The following P2RX2 variants were observed in gnomAD, a reference collection of about 807,000 sequenced individuals.
The protein encoded by P2RX2 is purinergic receptor P2X 2, also known as P2X purinoceptor 2.
A neutral mutation model predicts 54.8 loss-of-function variants in P2RX2; 50 were observed. That is an observed-to-expected ratio of 0.91 (90% CI 0.73 to 1.15). The LOEUF (loss-of-function observed/expected upper bound fraction) is 1.15. Among genes scored for constraint, P2RX2 ranks in the 50% most tolerant of loss-of-function variants. P2RX2 has a pLI of 0.00. For missense variants in P2RX2, 658 were observed against 633.2 expected (o/e 1.04, Z -0.42); for synonymous variants, 289 against 259.4 (o/e 1.11, Z -1.09).
In P2RX2 at chr12:132,622,163, C is replaced by T. The variant is rs2041728784; in HGVS notation, c.*191C>T. The T allele has an allele frequency of 1.4e-6, 2 of 1,437,798 alleles. No individual in the cohort carries two copies. The highest frequency in any genetic ancestry group is 2.9e-5 in the South Asian group (2 of 67,944). 89.1% of individuals were successfully genotyped at this position (1,437,798 alleles called of 1,614,324 possible). A position where few individuals can be genotyped will look rare whatever the true frequency, so the allele number is the denominator to read the frequency against. On this transcript the variant is annotated 3_prime_UTR_variant, in exon 11 of 11. Transcript: ENST00000643471. ...CTTGTGCCCCACCCTGGCATACAGC[C>T]CCTGACACCTCCTCCCCAGCTGGTC...
chr12:132,620,497 G>T lies in P2RX2; in HGVS notation c.688G>T (p.Glu230Ter), dbSNP rs778864820. 4 of 1,614,028 alleles carry T rather than the reference G, an allele frequency of 2.5e-6. No homozygotes were observed. Among genetic ancestry groups the T allele is most frequent in the Non-Finnish European group, 3.4e-6 (4 of 1,180,006 alleles). Residue 230 changes from glutamate (E) to a stop codon, truncating the protein, a stop_gained, in exon 7 of 11, where the codon GAG (glutamate) becomes TAG (stop). Coordinates refer to ENST00000643471, the MANE Select transcript of P2RX2 (RefSeq NM_170682.4). LOFTEE classifies it high-confidence loss of function. ...GTACCTGAAGCGCTGCACGTTCCAC[G>T]AGGCCTCCGACCTCTACTGCCCCAT... ...DGYLKRCTFH[E>*]ASDLYCPIFK... is the part of the protein sequence containing the mutation.
At chr12:132,619,614 T>TA (rs776817057) in intron 2 of P2RX2, 40 bp downstream of exon 2, 288 of 1,504,112 alleles carry the variant, frequency 1.9e-4, no homozygotes, top group Non-Finnish European at 2.5e-4. Flanking sequence ...CCGTGCACCC[T>TA]ACCCTAGTGG....
intron 1 of P2RX2, among the ~76,000 whole-genome samples, 161 bp downstream of exon 1, chr12:132,619,150 A>T (rs901118239): frequency 1.4e-4 from 3 of 21,804 alleles, no homozygotes; most frequent in African/African-American, 5.6e-4. Context: ...AGGGGCTGGG[A>T]TTGGGGGCGC....
At position 132,618,996 on chromosome 12, in the gene P2RX2, G is replaced by A; in HGVS notation, c.173+7G>A. ...TCCTGCTCTACTTCGTGTGGTGCGC[G>A]GGGCGCGGGGTGCGGGGCGCGGGGT... On this transcript the variant is annotated splice_region_variant and intron_variant, in intron 1 of 10. Coordinates refer to ENST00000643471, the MANE Select transcript of P2RX2 (RefSeq NM_170682.4). 1 of 207,332 alleles carries A rather than the reference G, an allele frequency of 4.8e-6. No individual in the cohort carries two copies. The highest frequency in any genetic ancestry group is 5.7e-6 in the Non-Finnish European group (1 of 176,070). The allele number at this position is 207,332 out of a possible 1,614,324, so 12.8% of individuals were successfully genotyped here. A position where few individuals can be genotyped will look rare whatever the true frequency, so the allele number is the denominator to read the frequency against.
At chr12:132,620,717 C>T in intron 7 of P2RX2, 134 bp downstream of exon 7, 1 of 1,089,866 alleles carries the variant, frequency 9.2e-7, no homozygotes, top group Non-Finnish European at 1.3e-6. Flanking sequence ...GAAATGCGAT[C>T]AGCGCAACCC....
At chr12:132,619,108 AGGGGCTGGGGCTGGGACCGGGGGC>A (rs2041510941) in intron 1 of P2RX2, 119 bp downstream of exon 1, 1 of 10,174 alleles carries the variant, frequency 9.8e-5, no homozygotes, top group Non-Finnish European at 1.5e-4. Flanking sequence ...GGCGCGGGGC[AGGGGCTGGGGCTGGGACCGGGGGC>A]GCGGGGCAGG....
chr12:132,620,302 T>TC lies in P2RX2; in HGVS notation c.592dup (p.Leu198ProfsTer74). 3.7e-6 allele frequency: 6 copies of TC among 1,614,048 alleles called. No homozygotes were observed. Among genetic ancestry groups the TC allele is most frequent in the Non-Finnish European group, 5.1e-6 (6 of 1,179,954 alleles). ...GGTACGATGGCCCCAAATTTCACCATCCTCATCAAGAACAGCATCCACTAC... is the reference window on the plus strand; with the variant it reads ...GGTACGATGGCCCCAAATTTCACCATCCCTCATCAAGAACAGCATCCACTAC... On this transcript the variant is annotated frameshift_variant, in exon 6 of 11. Transcript: ENST00000643471. LOFTEE classifies it high-confidence loss of function.
chr12:132,622,035 G>T lies in P2RX2; in HGVS notation c.*63G>T. The T allele has an allele frequency of 6.9e-6, 11 of 1,604,414 alleles. No homozygotes were observed. In the South Asian group the frequency reaches 1.1e-4, roughly 16 times the overall value. On this transcript the variant is annotated 3_prime_UTR_variant, in exon 11 of 11. Transcript: ENST00000643471. ...GTGGGGCCAGAGAGTCCCCAGCTAG[G>T]GACCTGCACGTGGACGTGGGCACCT...
At position 132,619,828 on chromosome 12, in the gene P2RX2, G is replaced by A. The variant is rs753333274; in HGVS notation, c.382-16G>A. Reference sequence around the variant, plus strand: ...TGTCCCTTGCGGGGTCCCTGACTGGGCCGCCTCCACCCTAGAGCATAAGGG... The same window carrying A: ...TGTCCCTTGCGGGGTCCCTGACTGGACCGCCTCCACCCTAGAGCATAAGGG... On this transcript the variant is annotated splice_polypyrimidine_tract_variant and intron_variant, in intron 3 of 10. Coordinates refer to ENST00000643471, the MANE Select transcript of P2RX2 (RefSeq NM_170682.4). 1 of 1,610,564 alleles carries A rather than the reference G, an allele frequency of 6.2e-7. No homozygotes were observed. Among genetic ancestry groups the A allele is most frequent in the Non-Finnish European group, 8.5e-7 (1 of 1,179,192 alleles).
Position 132,622,248 on chromosome 12 carries a change from AGCTCTGAGGG to A in P2RX2, c.*283_*292del. The A allele has an allele frequency of 7.3e-7, 1 of 1,360,578 alleles. No homozygotes were observed. The highest frequency in any genetic ancestry group is 9.4e-7 in the Non-Finnish European group (1 of 1,059,250). 84.3% of individuals were successfully genotyped at this position (1,360,578 alleles called of 1,614,324 possible). A position where few individuals can be genotyped will look rare whatever the true frequency, so the allele number is the denominator to read the frequency against. On this transcript the variant is annotated 3_prime_UTR_variant, in exon 11 of 11. Coordinates refer to ENST00000643471, the MANE Select transcript of P2RX2 (RefSeq NM_170682.4). ...AGCCACCTGGAACCCAAGCCAGCTG[AGCTCTGAGGG>A]GCTCTGCTCCCGGTCTTGGGCCCTG...
Position 132,619,864 on chromosome 12 carries a change from C to CAT in P2RX2, c.403_404insTA (p.Thr135IlefsTer21), listed in dbSNP as rs755996413. On this transcript the variant is annotated frameshift_variant, in exon 4 of 11. Coordinates refer to ENST00000643471, the MANE Select transcript of P2RX2 (RefSeq NM_170682.4). LOFTEE classifies it high-confidence loss of function. ...CCTAGAGCATAAGGGTCCACAACGC[C>CAT]ACCTGCCTCTCCGACGCCGACTGCG... The CAT allele has an allele frequency of 6.2e-7, 1 of 1,611,698 alleles. No individual in the cohort carries two copies. Among genetic ancestry groups the CAT allele is most frequent in the South Asian group, 1.1e-5 (1 of 90,918 alleles).
At position 132,621,759 on chromosome 12, in the gene P2RX2, G is replaced by A; in HGVS notation, c.1203G>A (p.Gln401=). Residue 401 remains glutamine, a synonymous_variant, in exon 11 of 11, where the codon CAG becomes CAA. Transcript: ENST00000643471. ...TGACCCTTGCCCGTGTATTGGGCCA[G>A]GCCCCTCCCGAACCCGGCCACCGCT... ...WPVTLARVLG[Q]APPEPGHRSE... is the part of the protein sequence containing the mutation. 2 of 1,603,750 alleles carry A rather than the reference G, an allele frequency of 1.2e-6. No homozygotes were observed. The highest frequency in any genetic ancestry group is 1.7e-6 in the Non-Finnish European group (2 of 1,173,994).
rs747882353 is a variant in P2RX2, at chr12:132,619,550, G to C, written c.285G>C (p.Val95=). The C allele has an allele frequency of 6.2e-7, 1 of 1,611,978 alleles. No individual in the cohort carries two copies. The highest frequency in any genetic ancestry group is 1.1e-5 in the South Asian group (1 of 91,066). The change falls in exon 2 of 11, where the codon GTG becomes GTC. Residue 95 remains valine, a synonymous_variant. Transcript: ENST00000643471. ...CGTCCGAGCACAAAGTGTGGGACGT[G>C]GAGGAGTACGTGAAGCCCCCCGAGG... is the stretch of plus-strand genomic sequence containing the variant. ...ITTSEHKVWD[V]EEYVKPPEGG... is the part of the protein sequence containing the mutation.
chr12:132,620,048 C>T lies in P2RX2; in HGVS notation c.506C>T (p.Thr169Ile). The T allele has an allele frequency of 6.3e-7, 1 of 1,590,554 alleles. No homozygotes were observed. Among genetic ancestry groups the T allele is most frequent in the Non-Finnish European group, 8.5e-7 (1 of 1,169,966 alleles). Residue 169 changes from threonine (T) to isoleucine (I), a missense_variant, in exon 5 of 11, where the codon ACC becomes ATC. Coordinates refer to ENST00000643471, the MANE Select transcript of P2RX2 (RefSeq NM_170682.4). ...CCCTATTACCAGGGGCCCTCCAAGA[C>T]CTGCGAGGTGTTCGGCTGGTGCCCG... ...CVPYYQGPSKTCEVFGWCPVE... is the reference protein window; with the variant it reads ...CVPYYQGPSKICEVFGWCPVE...
chr12:132,619,776 G>C (rs1290988351), intron 3 of P2RX2, 26 bp downstream of exon 3: 2 of 1,610,026 alleles, frequency 1.2e-6, no homozygotes, highest in East Asian at 4.5e-5. Flanking sequence ...GGCGCTGGGG[G>C]ACCCCGCCTC....
chr12:132,621,883 G>A lies in P2RX2; in HGVS notation c.1327G>A (p.Ala443Thr). 2 of 1,608,432 alleles carry A rather than the reference G, an allele frequency of 1.2e-6. No homozygotes were observed. Among genetic ancestry groups the A allele is most frequent in the African/African-American group, 1.4e-5 (1 of 70,464 alleles). ...FPPLRPCPIS[A>T]PSEQMVDTPA... The stretch of plus-strand genomic sequence containing the variant: ...GCCCCTGCGGCCTTGCCCCATCTCT[G>A]CCCCTTCTGAGCAGATGGTGGACAC... Residue 443 changes from alanine to threonine, a missense_variant, in exon 11 of 11, where the codon GCC becomes ACC. Ala to Thr is a moderately conservative substitution (Grantham distance 58). Coordinates refer to ENST00000643471, the MANE Select transcript of P2RX2 (RefSeq NM_170682.4).
rs757268008 is a variant in P2RX2, at chr12:132,619,618, C to G, written c.309+44C>G. On this transcript the variant is annotated intron_variant, in intron 2 of 10. Transcript: ENST00000643471. The stretch of plus-strand genomic sequence containing the variant: ...CCCCCGCCCCGCCGTGCACCCTACC[C>G]TAGTGGGCGGAGGGGGCAGCGGCTG... 1.9e-6 allele frequency: 3 copies of G among 1,593,722 alleles called. No individual in the cohort carries two copies. The South Asian group carries it at 3.3e-5, about 18-fold the overall frequency.
In P2RX2 at chr12:132,619,650, G is replaced by A. The variant is rs772555694; in HGVS notation, c.310-29G>A. On this transcript the variant is annotated intron_variant, in intron 2 of 10. Transcript: ENST00000643471. ...GCGGAGGGGGCAGCGGCTGCCGCCT[G>A]GCCGACCGCCCCCTCTTTCTGAGCC... 20 of 1,582,224 alleles carry A rather than the reference G, an allele frequency of 1.3e-5. No homozygotes were observed. In the Middle Eastern group the frequency reaches 1.0e-3, roughly 80 times the overall value.
intron 7 of P2RX2, 31 bp downstream of exon 7, chr12:132,620,614 G>C (rs1327282773): frequency 2.5e-6 from 4 of 1,605,250 alleles, no homozygotes; most frequent in African/African-American, 1.3e-5. Flanking sequence ...GTGGGGCCAG[G>C]GTGGGCTCCC....
Sources: gnomAD v4.1 joint callset for allele counts (sites outside exome capture counted in the v4.1 genomes callset) on GRCh38, gnomAD v4.1.1 for gene constraint, MANE v1.5 for transcripts, NCBI Gene and HGNC (gene_info 2026-07-23, HGNC 2026-07-21) for gene names.